The following PTK2 variants were observed in gnomAD, a reference collection of about 807,000 sequenced individuals.
The protein encoded by PTK2 is focal adhesion kinase 1.
In PTK2, 45 loss-of-function variants were observed where a neutral mutation model predicts 150.1. That is an observed-to-expected ratio of 0.30 (90% CI 0.24 to 0.38). The LOEUF (loss-of-function observed/expected upper bound fraction) is 0.38. PTK2 is among the 10% of genes least tolerant of loss of function. The probability of loss-of-function intolerance (pLI) is 1.00; values close to 1 mark genes in which losing one functional copy is unlikely to be tolerated. For missense variants in PTK2, 919 were observed against 1,307.3 expected (o/e 0.70, Z 4.58); for synonymous variants, 432 against 449.2 (o/e 0.96, Z 0.48).
intron 7 of PTK2, among the ~76,000 whole-genome samples, chr8:140,843,774 C>T (rs1214846787): frequency 1.3e-5 from 2 of 151,646 alleles, no homozygotes; most frequent in African/African-American, 2.4e-5. Flanking sequence ...GTATAGTCCA[C>T]ACCCAGGTCC....
chr8:140,717,944 G>C (rs1228838522), intron 22 of PTK2: 2 of 391,030 alleles, frequency 5.1e-6, no homozygotes, highest in African/African-American at 4.0e-5. Context: ...GTAAGAAAAA[G>C]ACAGCTGGTA....
At chr8:140,706,843 C>T (rs1591410541) in intron 23 of PTK2, among the ~76,000 whole-genome samples, 1 of 152,122 alleles carries the variant, frequency 6.6e-6, no homozygotes, top group South Asian at 2.1e-4. Flanking sequence ...CCAGCCTGGG[C>T]AACGTAGCAA....
chr8:140,967,494 T>C (rs2154609554), intron 1 of PTK2, among the ~76,000 whole-genome samples: 1 of 148,604 alleles, frequency 6.7e-6, no homozygotes, highest in East Asian at 2.0e-4. Context: ...GGAGTCTCTC[T>C]CTGTCATGCA....
At chr8:140,900,881 T>C (rs952165592) in intron 2 of PTK2, among the ~76,000 whole-genome samples, 10 of 150,284 alleles carry the variant, frequency 6.7e-5, no homozygotes, top group African/African-American at 2.4e-4. Context: ...ACCAATGACA[T>C]TCTTCGCAGA....
chr8:140,817,848 C>T (rs1037979754), intron 10 of PTK2, among the ~76,000 whole-genome samples: 14 of 151,194 alleles, frequency 9.3e-5, no homozygotes, highest in African/African-American at 3.4e-4. Flanking sequence ...ATTTTTTCTT[C>T]GAGGTAAATA....
intron 11 of PTK2, among the ~76,000 whole-genome samples, chr8:140,801,033 G>A (rs937496061): frequency 3.9e-5 from 6 of 152,088 alleles, no homozygotes; most frequent in African/African-American, 9.7e-5. Context: ...TAGCATGTTC[G>A]CCCAAGGGCT....
chr8:140,836,384 C>T (rs1290891388), intron 7 of PTK2, among the ~76,000 whole-genome samples: 1 of 152,132 alleles, frequency 6.6e-6, no homozygotes, highest in Non-Finnish European at 1.5e-5. Flanking sequence ...AGAATACATA[C>T]GTGGTGATGA....
At chr8:140,831,522 G>A (rs1026032021) in intron 7 of PTK2, among the ~76,000 whole-genome samples, 4 of 152,164 alleles carry the variant, frequency 2.6e-5, no homozygotes, top group African/African-American at 9.7e-5. Flanking sequence ...TTATTTGGTT[G>A]ATACTATATT....
chr8:140,984,917 G>A (rs1017419455), intron 1 of PTK2, among the ~76,000 whole-genome samples: 1 of 152,108 alleles, frequency 6.6e-6, no homozygotes, highest in African/African-American at 2.4e-5. Context: ...TCTAGTGCAC[G>A]GTTAAATTGG....
At chr8:140,682,484 T>C (rs559478599) in intron 27 of PTK2, among the ~76,000 whole-genome samples, 106 of 152,210 alleles carry the variant, frequency 7.0e-4, no homozygotes, top group Non-Finnish European at 8.7e-4. Flanking sequence ...GGCTGAGAAG[T>C]GATGTACATA....
chr8:140,697,905 G>T (rs1050084698), intron 26 of PTK2, among the ~76,000 whole-genome samples: 2 of 122,176 alleles, frequency 1.6e-5, no homozygotes, highest in South Asian at 2.8e-4. Flanking sequence ...GCTAAGCCCA[G>T]GCTAGTCTCA....
chr8:140,967,685 C>A (rs2100185800), intron 1 of PTK2, among the ~76,000 whole-genome samples: 1 of 152,080 alleles, frequency 6.6e-6, no homozygotes, highest in Non-Finnish European at 1.5e-5. Flanking sequence ...GTCTCCAACT[C>A]CTGACCTCGT....
At chr8:140,746,172 G>T (rs2100058614) in intron 18 of PTK2, among the ~76,000 whole-genome samples, 1 of 151,942 alleles carries the variant, frequency 6.6e-6, no homozygotes. Flanking sequence ...TCTCTATAAA[G>T]AATTAAAAAA....
rs144187431 is a variant in PTK2 at position 140,855,770 on chromosome 8, C to T, written c.450+8542G>A. ...AAAGTAGAATGGTGGTTGCCAGGGG[C>T]TGCAAGGAGGACAAATGGGGAAATA... On this transcript the variant is annotated intron_variant, in intron 5 of 31. Coordinates refer to ENST00000522684, the Ensembl canonical transcript of PTK2. 5.8e-3 allele frequency among the ~76,000 whole-genome samples: 876 copies of T among 152,126 alleles called. 4 individuals carry two copies. Among genetic ancestry groups the T allele is most frequent in the African/African-American group, 0.02 (829 of 41,482 alleles).
exon 6 of PTK2, chr8:140,846,627 C>T (rs1201671571): frequency 1.9e-6 from 3 of 1,612,352 alleles, no homozygotes; most frequent in Non-Finnish European, 2.5e-6. Flanking sequence ...AACTTCAAAG[C>T]AATTTCCTGG....
intron 1 of PTK2, among the ~76,000 whole-genome samples, chr8:140,928,474 A>G (rs752612696): frequency 3.2e-4 from 48 of 152,226 alleles, no homozygotes; most frequent in Non-Finnish European, 6.3e-4. Flanking sequence ...CAAGGAACTG[A>G]AATCAGGTTC....
At chr8:140,703,720 G>A (rs2100032081) in intron 24 of PTK2, among the ~76,000 whole-genome samples, 1 of 152,230 alleles carries the variant, frequency 6.6e-6, no homozygotes, top group African/African-American at 2.4e-5. Flanking sequence ...AAGGCAGAGA[G>A]AAGACATTCA....
intron 14 of PTK2, among the ~76,000 whole-genome samples, chr8:140,781,380 C>A (rs1255281873): frequency 6.6e-6 from 1 of 152,036 alleles, no homozygotes; most frequent in Non-Finnish European, 1.5e-5. Flanking sequence ...GCCAAGTATA[C>A]CCAATACTGC....
chr8:140,809,879 G>A (rs778697319), intron 10 of PTK2, among the ~76,000 whole-genome samples: 1 of 152,212 alleles, frequency 6.6e-6, no homozygotes, highest in African/African-American at 2.4e-5. Context: ...ATGTTGTTAC[G>A]TAGATCAGTT....
Sources: gnomAD v4.1 joint callset for allele counts (sites outside exome capture counted in the v4.1 genomes callset) on GRCh38, gnomAD v4.1.1 for gene constraint, MANE v1.5 for transcripts, NCBI Gene and HGNC (gene_info 2026-07-23, HGNC 2026-07-21) for gene names.